The following SLC22A3 variants were observed in gnomAD, a reference collection of about 807,000 sequenced individuals.
The protein encoded by SLC22A3 is EMT organic cation transporter 3.
A neutral mutation model predicts 59.1 loss-of-function variants in SLC22A3; 51 were observed. That is an observed-to-expected ratio of 0.86 (90% CI 0.69 to 1.09). The LOEUF (loss-of-function observed/expected upper bound fraction) is 1.09, where lower values mean the gene tolerates loss of function less well. SLC22A3 is among the 50% of genes least tolerant of loss of function. The probability of loss-of-function intolerance (pLI) is 0.00; values close to 1 mark genes in which losing one functional copy is unlikely to be tolerated. For missense variants in SLC22A3, 711 were observed against 726.3 expected (o/e 0.98, Z 0.24); for synonymous variants, 325 against 292.0 (o/e 1.11, Z -1.15).
chr6:160,364,518 T>G (rs1036775770), intron 1 of SLC22A3, among the ~76,000 whole-genome samples: 1 of 152,218 alleles, frequency 6.6e-6, no homozygotes, highest in Non-Finnish European at 1.5e-5. Context: ...AATTAAAGTA[T>G]ACAAATTGGA....
intron 7 of SLC22A3, among the ~76,000 whole-genome samples, chr6:160,441,897 C>T (rs1489187987): frequency 2.0e-5 from 3 of 152,138 alleles, no homozygotes; most frequent in Non-Finnish European, 2.9e-5. Context: ...ACCAAATCCC[C>T]TAGGAAAGGA....
intron 5 of SLC22A3, among the ~76,000 whole-genome samples, chr6:160,421,817 C>G (rs2074610535): frequency 2.6e-5 from 4 of 152,210 alleles, no homozygotes. Context: ...CTGATACCCT[C>G]TCTGGAATCC....
Position 160,436,816 on chromosome 6 carries a change from T to A in SLC22A3, c.1012T>A (p.Phe338Ile), listed in dbSNP as rs1788352822. 1 of 1,613,406 alleles carries A rather than the reference T, an allele frequency of 6.2e-7. No individual in the cohort carries two copies. The change falls in exon 6 of 11, where the codon TTT (phenylalanine) becomes ATT (isoleucine). Residue 338 changes from phenylalanine to isoleucine, a missense_variant. Coordinates refer to ENST00000275300, the MANE Select transcript of SLC22A3 (RefSeq NM_021977.4). ...VTDEEVSNPS[F>I]LDLVRTPQMR... ...AGATGAGGAAGTTAGTAATCCATCCTTTTTAGATCTGGTGAGAACTCCCCA... is the reference window on the plus strand; with the variant it reads ...AGATGAGGAAGTTAGTAATCCATCCATTTTAGATCTGGTGAGAACTCCCCA...
intron 5 of SLC22A3, among the ~76,000 whole-genome samples, chr6:160,418,932 T>A (rs1472143581): frequency 6.6e-6 from 1 of 152,222 alleles, no homozygotes; most frequent in East Asian, 1.9e-4. Flanking sequence ...GTATTGTTTA[T>A]AGTGAATCTA....
At chr6:160,388,585 T>G (rs1786117585) in intron 1 of SLC22A3, among the ~76,000 whole-genome samples, 1 of 152,164 alleles carries the variant, frequency 6.6e-6, no homozygotes, top group Non-Finnish European at 1.5e-5. Flanking sequence ...CAATCTCTAC[T>G]TTAATTGCTT....
chr6:160,378,442 G>A (rs1785675131), intron 1 of SLC22A3, among the ~76,000 whole-genome samples: 1 of 152,154 alleles, frequency 6.6e-6, no homozygotes, highest in Admixed American at 6.6e-5. Context: ...TGCATGTTCT[G>A]ACGAGATTTT....
Position 160,348,448 on chromosome 6 carries a change from G to T in SLC22A3, c.29G>T (p.Arg10Leu), listed in dbSNP as rs752181200. The T allele has an allele frequency of 1.3e-6, 2 of 1,528,962 alleles. No individual in the cohort carries two copies. The allele number at this position is 1,528,962 out of a possible 1,614,324, so 94.7% of individuals were successfully genotyped here. The change falls in exon 1 of 11, where the codon CGG (arginine) becomes CTG (leucine). Residue 10 changes from arginine (R) to leucine (L), a missense_variant. Physicochemically the swap from Arg to Leu is moderately radical, Grantham distance 102 (BLOSUM62 -2). Transcript: ENST00000275300. ...CCCTCCTTCGACGAGGCGCTGCAGC[G>T]GGTGGGCGAGTTCGGGCGCTTCCAG... is the stretch of plus-strand genomic sequence containing the variant. MPSFDEALQ[R>L]VGEFGRFQRR...
chr6:160,377,541 T>C (rs954150072), intron 1 of SLC22A3, among the ~76,000 whole-genome samples: 2 of 152,008 alleles, frequency 1.3e-5, no homozygotes, highest in Non-Finnish European at 2.9e-5. Flanking sequence ...CCAGGTTGAC[T>C]TCAGTCAATA....
chr6:160,427,337 C>T (rs1371653958), intron 5 of SLC22A3, among the ~76,000 whole-genome samples: 1 of 152,218 alleles, frequency 6.6e-6, no homozygotes, highest in East Asian at 1.9e-4. Context: ...GCCCCAGTCA[C>T]CCTTGCCCTG....
At chr6:160,400,984 G>GAAAAAAAAAAAAAAAAAAAAAAAA (rs58532600) in intron 2 of SLC22A3, among the ~76,000 whole-genome samples, 1 of 78,558 alleles carries the variant, frequency 1.3e-5, no homozygotes, top group Non-Finnish European at 2.3e-5. Flanking sequence ...CTCCAAAACT[G>GAAAAAAAAAAAAAAAAAAAAAAAA]AAAAAAAAAA....
chr6:160,418,329 G>A (rs1416210217), intron 5 of SLC22A3, among the ~76,000 whole-genome samples: 1 of 152,208 alleles, frequency 6.6e-6, no homozygotes, highest in Non-Finnish European at 1.5e-5. Flanking sequence ...ACTTACATGA[G>A]TGGTTTGCCA....
At position 160,448,476 on chromosome 6, in the gene SLC22A3, TAGAC is replaced by T. The variant is rs544076730; in HGVS notation, c.1610+661_1610+664del. Among the ~76,000 whole-genome samples, 504 of 152,194 alleles carry T rather than the reference TAGAC, an allele frequency of 3.3e-3. 3 individuals carry two copies. The highest frequency in any genetic ancestry group is 5.5e-3 in the Non-Finnish European group (374 of 67,990). On this transcript the variant is annotated intron_variant, in intron 10 of 10. Coordinates refer to ENST00000275300, the MANE Select transcript of SLC22A3 (RefSeq NM_021977.4). ...TGATAGATAGATACAGATAGATAAA[TAGAC>T]AGGTAGATGATAGGTAATGTCTGGA...
chr6:160,372,703 C>T lies in SLC22A3; in HGVS notation c.429+23855C>T, dbSNP rs977193818. Among the ~76,000 whole-genome samples the T allele has an allele frequency of 7.8e-4, 118 of 151,918 alleles. 1 individual carries two copies. The highest frequency in any genetic ancestry group is 2.8e-3 in the African/African-American group (115 of 41,418). On this transcript the variant is annotated intron_variant, in intron 1 of 10. Transcript: ENST00000275300. The stretch of plus-strand genomic sequence containing the variant: ...GAGGCTTTGTTTGTTCCTTTTCATG[C>T]TTTTTTTTGCTGATCTTGTCTTCAT...
At chr6:160,362,087 T>C (rs879716792) in intron 1 of SLC22A3, among the ~76,000 whole-genome samples, 1 of 152,172 alleles carries the variant, frequency 6.6e-6, no homozygotes, top group Non-Finnish European at 1.5e-5. Context: ...CCAGGAGCTG[T>C]TTACCTGGGG....
intron 1 of SLC22A3, among the ~76,000 whole-genome samples, chr6:160,391,969 T>C (rs1169956485): frequency 8.5e-5 from 13 of 152,218 alleles, no homozygotes; most frequent in Non-Finnish European, 1.5e-5. Flanking sequence ...CTGATAGTTA[T>C]GAACCTTGGA....
In SLC22A3 at chr6:160,451,107, T is replaced by C; in HGVS notation, c.*51T>C. ...GAGCTATCCAGGAGCTGATCCTCCT[T>C]GCAAAGCTGTGCCTTGCAGAGATGC... is the stretch of plus-strand genomic sequence containing the variant. On this transcript the variant is annotated 3_prime_UTR_variant, in exon 11 of 11. Transcript: ENST00000275300. 1 of 1,532,990 alleles carries C rather than the reference T, an allele frequency of 6.5e-7. No individual in the cohort carries two copies. The allele number at this position is 1,532,990 out of a possible 1,614,324, so 95.0% of individuals were successfully genotyped here. A position where few individuals can be genotyped will look rare whatever the true frequency, so the allele number is the denominator to read the frequency against.
rs1313266740 is a variant in SLC22A3, at chr6:160,452,440, T to G, written c.*1384T>G. The G allele has an allele frequency of 2.0e-5, 3 of 152,242 alleles. No individual in the cohort carries two copies. The highest frequency in any genetic ancestry group is 1.5e-5 in the Non-Finnish European group (1 of 68,038). 9.4% of individuals were successfully genotyped at this position (152,242 alleles called of 1,614,324 possible). On this transcript the variant is annotated 3_prime_UTR_variant, in exon 11 of 11. Coordinates refer to ENST00000275300, the MANE Select transcript of SLC22A3 (RefSeq NM_021977.4). ...AACTCTTTGAGGATTTGAGACTACA[T>G]TCACCCTTTATTCACAGTCACTTGC...
chr6:160,442,919 C>T lies in SLC22A3; in HGVS notation c.1397+50C>T, dbSNP rs531535674. 3.2e-4 allele frequency: 447 copies of T among 1,389,086 alleles called. 2 individuals carry two copies. The South Asian group carries it at 3.3e-3, about 10-fold the overall frequency. 86.0% of individuals were successfully genotyped at this position (1,389,086 alleles called of 1,614,324 possible). The stretch of plus-strand genomic sequence containing the variant: ...TCTCCTAAGTAACTCTGTAGACCAG[C>T]GTTTTAAGTTGATTTAGTTAAAAAC... On this transcript the variant is annotated intron_variant, in intron 8 of 10. Coordinates refer to ENST00000275300, the MANE Select transcript of SLC22A3 (RefSeq NM_021977.4).
intron 5 of SLC22A3, among the ~76,000 whole-genome samples, chr6:160,423,163 A>G (rs1264675823): frequency 6.6e-6 from 1 of 152,136 alleles, no homozygotes; most frequent in African/African-American, 2.4e-5. Context: ...ACATGAACTC[A>G]TCCTTTTTTA....
Sources: gnomAD v4.1 joint callset for allele counts (sites outside exome capture counted in the v4.1 genomes callset) on GRCh38, gnomAD v4.1.1 for gene constraint, MANE v1.5 for transcripts, NCBI Gene and HGNC (gene_info 2026-07-23, HGNC 2026-07-21) for gene names.